DHX57: variants seen among roughly 807,000 people sequenced by gnomAD.
DHX57 encodes DExH-box helicase 57.
In DHX57, 105 loss-of-function variants were observed where a neutral mutation model predicts 156.2. The observed-to-expected ratio is 0.67, with a 90% CI of 0.57 to 0.79. DHX57 has a LOEUF of 0.79. Ranked by LOEUF, DHX57 falls within the 30% of genes least tolerant of loss-of-function variation. The pLI is 0.00. For synonymous variants in DHX57, 704 were observed against 595.6 expected (o/e 1.18, Z -2.65); for missense variants, 1,847 against 1,661.9 (o/e 1.11, Z -1.94).
intron 13 of DHX57, among the ~76,000 whole-genome samples, chr2:38,836,957 A>G (rs1209966354): frequency 6.6e-6 from 1 of 151,912 alleles, no homozygotes; most frequent in African/African-American, 2.4e-5. Flanking sequence ...GGCTAAGGCA[A>G]TCCTCCCACT....
At chr2:38,823,547 G>A (rs1670935522) in intron 16 of DHX57, among the ~76,000 whole-genome samples, 1 of 152,144 alleles carries the variant, frequency 6.6e-6, no homozygotes, top group South Asian at 2.1e-4. Context: ...GATAATAAGT[G>A]TTGGCAAGGA....
intron 21 of DHX57, among the ~76,000 whole-genome samples, chr2:38,808,178 C>T (rs1670057930): frequency 6.6e-6 from 1 of 151,484 alleles, no homozygotes; most frequent in South Asian, 2.1e-4. Context: ...TGGTCTCGAT[C>T]TCTTGACCTT....
chr2:38,826,160 C>T, intron 15 of DHX57, 113 bp from the exon 16 acceptor site: 1 of 1,114,488 alleles, frequency 9.0e-7, no homozygotes, highest in Non-Finnish European at 1.3e-6. Context: ...ACACAGTGCC[C>T]TGTATATTCT....
chr2:38,812,793 A>G (rs960703853), intron 21 of DHX57, among the ~76,000 whole-genome samples: 11 of 152,000 alleles, frequency 7.2e-5, no homozygotes, highest in Admixed American at 4.6e-4. Context: ...TCGGCCTCCC[A>G]AAGTGCTTGG....
chr2:38,851,459 G>T (rs1672590982), intron 9 of DHX57, among the ~76,000 whole-genome samples: 1 of 151,998 alleles, frequency 6.6e-6, no homozygotes, highest in African/African-American at 2.4e-5. Flanking sequence ...GCTTTTTTCA[G>T]TCAGAGTTAG....
At chr2:38,811,197 G>C in intron 21 of DHX57, 1 of 489,458 alleles carries the variant, frequency 2.0e-6, no homozygotes, top group South Asian at 1.8e-5. Context: ...TATTCCATCA[G>C]ATCACTGCGG....
intron 2 of DHX57, among the ~76,000 whole-genome samples, chr2:38,866,685 A>G (rs566122481): frequency 1.8e-4 from 27 of 152,300 alleles, no homozygotes; most frequent in Middle Eastern, 3.4e-3. Flanking sequence ...GTAAATACTT[A>G]CCAAATGAAT....
In DHX57 at chr2:38,828,433, G is replaced by A. The variant is rs773824195; in HGVS notation, c.2546C>T (p.Ala849Val). ...TAGTCCTGGTAAAAATACAAGTATA[G>A]CACCTGGGTATATAAAAAGAATCAA... ...VDGKHSYPPG[A>V]ILVFLPGLAE... Residue 849 changes from alanine (A) to valine (V), a missense_variant, in exon 14 of 24, where the codon GCT (alanine) becomes GTT (valine). Transcript: ENST00000457308. 9 of 1,606,330 alleles carry A rather than the reference G, an allele frequency of 5.6e-6. No homozygotes were observed. Among genetic ancestry groups the A allele is most frequent in the Non-Finnish European group, 7.7e-6 (9 of 1,176,274 alleles).
At chr2:38,864,565 T>A (rs560726296) in intron 2 of DHX57, among the ~76,000 whole-genome samples, 2 of 152,228 alleles carry the variant, frequency 1.3e-5, no homozygotes, top group South Asian at 4.1e-4. Context: ...ATCTCTTTAA[T>A]CTCCTCAAGG....
intron 13 of DHX57, among the ~76,000 whole-genome samples, chr2:38,833,315 G>C (rs779741004): frequency 1.3e-5 from 2 of 151,760 alleles, no homozygotes; most frequent in Non-Finnish European, 2.9e-5. Flanking sequence ...GCTAATTTTT[G>C]TATTTTTAGT....
chr2:38,837,945 C>T lies in DHX57; in HGVS notation c.2428G>A (p.Val810Ile), dbSNP rs189715404. Residue 810 changes from valine to isoleucine, a missense_variant and splice_region_variant, in exon 13 of 24, where the codon GTT (valine) becomes ATT (isoleucine). Transcript: ENST00000457308. ...ATTGTTTTGATGACTGACTTGCTAA[C>T]CCCTGAAAGAAAGAAAGGTAAAAAT... ...FKQLLARYKG[V>I]SKSVIKTMSI... The T allele has an allele frequency of 3.3e-5, 52 of 1,598,444 alleles. No individual in the cohort carries two copies. In the East Asian group the frequency reaches 8.7e-4, roughly 27 times the overall value.
intron 21 of DHX57, chr2:38,811,144 G>T: frequency 1.9e-6 from 1 of 524,276 alleles, no homozygotes; most frequent in Non-Finnish European, 3.6e-6. Flanking sequence ...TGTTCCATGG[G>T]TGCTTCAGAG....
rs1292079593 is a variant in DHX57 at position 38,858,753 on chromosome 2, G to T, written c.1495C>A (p.Leu499Ile). ...TATCTTTTGGAAATCTTTTTCTTAA[G>T]GTTCACATAGCTTTCATTCTCTACT... Reference protein sequence around the residue: ...VIVENESYVNLKKKISKRYDW... With the variant: ...VIVENESYVNIKKKISKRYDW... The change falls in exon 6 of 24, where the codon CTT becomes ATT. Residue 499 changes from leucine (L) to isoleucine (I), a missense_variant. By Grantham distance (5) the Leu-to-Ile change is conservative. Transcript: ENST00000457308. 6.2e-7 allele frequency: 1 copy of T among 1,613,940 alleles called. No individual in the cohort carries two copies.
intron 8 of DHX57, chr2:38,854,792 C>A (rs1672796395): frequency 6.4e-6 from 2 of 311,476 alleles, no homozygotes; most frequent in Non-Finnish European, 1.2e-5. Context: ...GAACTCCCGA[C>A]CTCAGGTGAT....
intron 2 of DHX57, chr2:38,867,153 G>A (rs748044936): frequency 1.8e-4 from 27 of 152,304 alleles, no homozygotes; most frequent in Middle Eastern, 3.4e-3. Flanking sequence ...GCAACATGCT[G>A]TATAGATTTG....
chr2:38,818,064 G>A (rs1670631083), intron 19 of DHX57, among the ~76,000 whole-genome samples: 1 of 152,108 alleles, frequency 6.6e-6, no homozygotes, highest in Non-Finnish European at 1.5e-5. Flanking sequence ...ACAAAATCTG[G>A]TTCAGTATTA....
intron 21 of DHX57, among the ~76,000 whole-genome samples, chr2:38,813,520 G>A (rs1030240464): frequency 2.0e-5 from 3 of 150,846 alleles, no homozygotes; most frequent in East Asian, 4.0e-4. Flanking sequence ...ACAGGTGCCC[G>A]CCACCATGCC....
At chr2:38,868,092 G>T (rs115566452) in intron 2 of DHX57, 90 bp downstream of exon 2, 5 of 1,494,090 alleles carry the variant, frequency 3.3e-6, no homozygotes, top group South Asian at 2.5e-5. Context: ...AGAATTACTC[G>T]ACTTTTTTTC....
At chr2:38,863,645 G>A (rs192891024) in intron 2 of DHX57, 126 bp from the exon 3 acceptor site, 577 of 844,578 alleles carry the variant, frequency 6.8e-4, no homozygotes, top group Middle Eastern at 4.3e-3. Flanking sequence ...AGATGACAAT[G>A]AATGTGAGGA....
Sources: allele counts gnomAD v4.1 joint callset (sites outside exome capture counted in the v4.1 genomes callset), GRCh38; gene constraint gnomAD v4.1.1; transcripts MANE v1.5; gene names NCBI Gene and HGNC (gene_info 2026-07-23, HGNC 2026-07-21).